The following UST variants were observed in gnomAD, a reference collection of about 807,000 sequenced individuals.
The protein encoded by UST is chondroitin sulfate 2-O-sulfotransferase.
UST carries 21 observed loss-of-function variants against 45.6 expected under a neutral mutation model. The observed-to-expected ratio is 0.46, with a 90% CI of 0.33 to 0.66. UST has a LOEUF of 0.66. UST is among the 30% of genes least tolerant of loss of function. The pLI is 0.02. For synonymous variants in UST, 215 were observed against 200.6 expected (o/e 1.07, Z -0.61); for missense variants, 463 against 512.4 (o/e 0.90, Z 0.93).
chr6:148,945,339 A>G (rs1780215057), intron 3 of UST, among the ~76,000 whole-genome samples: 1 of 152,232 alleles, frequency 6.6e-6, no homozygotes, highest in South Asian at 2.1e-4. Flanking sequence ...TCCTTAATCC[A>G]AAAGCCATTC....
In UST at chr6:148,748,004, C is replaced by T. The variant is rs1029588520; in HGVS notation, c.247+327C>T. ...GAGTGGATGGGTGTGTGGGGTGTGC[C>T]GGAGTGTGTGTATCTTCAGGCCTGG... is the stretch of plus-strand genomic sequence containing the variant. On this transcript the variant is annotated intron_variant, in intron 1 of 7. Coordinates refer to ENST00000367463, the MANE Select transcript of UST (RefSeq NM_005715.3). The surrounding 1 kb of genome is among the most constrained non-coding windows in gnomAD (Gnocchi z 5.3). Among the ~76,000 whole-genome samples, 4 of 152,014 alleles carry T rather than the reference C, an allele frequency of 2.6e-5. No individual in the cohort carries two copies. The highest frequency in any genetic ancestry group is 9.7e-5 in the African/African-American group (4 of 41,390).
chr6:148,980,185 T>C (rs1446564955), intron 5 of UST, among the ~76,000 whole-genome samples: 1 of 152,204 alleles, frequency 6.6e-6, no homozygotes, highest in African/African-American at 2.4e-5. Context: ...ACTTAAAACT[T>C]TGGAATAACC....
At chr6:149,019,275 C>T in intron 6 of UST, 39 bp downstream of exon 6, 1 of 1,511,344 alleles carries the variant, frequency 6.6e-7, no homozygotes, top group Non-Finnish European at 9.2e-7. Flanking sequence ...CACGTACGCA[C>T]AACAAGGGCA....
At chr6:148,883,916 G>A (rs1018823653) in intron 1 of UST, among the ~76,000 whole-genome samples, 3 of 152,156 alleles carry the variant, frequency 2.0e-5, no homozygotes, top group African/African-American at 2.4e-5. Flanking sequence ...CAGATCACTT[G>A]AGGTCAGGAG....
intron 1 of UST, among the ~76,000 whole-genome samples, chr6:148,880,673 A>G (rs1272878661): frequency 6.6e-6 from 1 of 152,078 alleles, no homozygotes; most frequent in Non-Finnish European, 1.5e-5. Context: ...TGAAATTTAG[A>G]TTGTGTTGTA....
intron 1 of UST, among the ~76,000 whole-genome samples, chr6:148,881,574 C>G (rs913860627): frequency 5.3e-5 from 8 of 152,292 alleles, no homozygotes; most frequent in African/African-American, 1.9e-4. Context: ...GTGTCAGGAG[C>G]GTGCTTGTCC....
intron 2 of UST, among the ~76,000 whole-genome samples, chr6:148,927,264 T>G (rs933885357): frequency 1.8e-4 from 27 of 152,176 alleles, no homozygotes; most frequent in Non-Finnish European, 1.2e-4. Context: ...CATTGAAGTC[T>G]TGGCCTTCCC....
intron 1 of UST, among the ~76,000 whole-genome samples, chr6:148,762,717 TTGTC>T (rs1389453553): frequency 6.6e-6 from 1 of 152,040 alleles, no homozygotes; most frequent in African/African-American, 2.4e-5. Flanking sequence ...AGAGTCCCCA[TTGTC>T]TGTTATTTCC....
At chr6:148,837,701 C>T (rs6926905) in intron 1 of UST, among the ~76,000 whole-genome samples, 6,222 of 100,374 alleles carry the variant, frequency 0.062, 276 homozygotes, top group African/African-American at 0.17. Context: ...TTTTTTTTTT[C>T]TCTCCTTTTT....
chr6:149,022,587 C>G (rs182371946), intron 7 of UST, among the ~76,000 whole-genome samples: 2 of 151,910 alleles, frequency 1.3e-5, no homozygotes. Context: ...GCGACAAGAG[C>G]GAAACTTCAT....
chr6:148,957,044 C>T (rs532795219), intron 4 of UST, among the ~76,000 whole-genome samples: 1 of 152,204 alleles, frequency 6.6e-6, no homozygotes, highest in East Asian at 1.9e-4. Context: ...AGAGCAGGGC[C>T]AAGAGGAACT....
chr6:148,767,278 C>G lies in UST; in HGVS notation c.247+19601C>G, dbSNP rs372437378. Among the ~76,000 whole-genome samples, 10 of 152,250 alleles carry G rather than the reference C, an allele frequency of 6.6e-5. 1 individual carries two copies. The South Asian group carries it at 2.1e-3, about 32-fold the overall frequency. ...TTTTCATTCACCAGTTTGATTGTTC[C>G]AATTTAAGAACATTAAGTATTTCTT... On this transcript the variant is annotated intron_variant, in intron 1 of 7. Transcript: ENST00000367463.
intron 5 of UST, among the ~76,000 whole-genome samples, chr6:148,994,527 C>T (rs1172551208): frequency 1.3e-5 from 2 of 152,070 alleles, no homozygotes; most frequent in African/African-American, 2.4e-5. Context: ...GAAGTGAGTT[C>T]TTATTCTCTG....
chr6:148,880,649 C>T (rs1190764072), intron 1 of UST, among the ~76,000 whole-genome samples: 5 of 152,158 alleles, frequency 3.3e-5, no homozygotes, highest in Non-Finnish European at 7.3e-5. Context: ...TCATGAAGGG[C>T]TAGATGGGTA....
At chr6:148,937,883 T>A (rs1780052645) in intron 2 of UST, among the ~76,000 whole-genome samples, 1 of 152,234 alleles carries the variant, frequency 6.6e-6, no homozygotes, top group Non-Finnish European at 1.5e-5. Context: ...TACCCCAGCC[T>A]GGTTGTAATG....
chr6:148,794,823 T>C (rs1776917878), intron 1 of UST, among the ~76,000 whole-genome samples: 1 of 152,200 alleles, frequency 6.6e-6, no homozygotes, highest in African/African-American at 2.4e-5. Flanking sequence ...AGGGTGGAAG[T>C]TGGGGAACTT....
chr6:148,913,923 G>A (rs1389425790), intron 2 of UST, among the ~76,000 whole-genome samples: 4 of 152,184 alleles, frequency 2.6e-5, no homozygotes, highest in African/African-American at 7.2e-5. Context: ...GGTGCTAGGG[G>A]CTAAATGTGT....
At chr6:148,839,846 T>C (rs181481713) in intron 1 of UST, among the ~76,000 whole-genome samples, 35 of 152,316 alleles carry the variant, frequency 2.3e-4, no homozygotes, top group Admixed American at 1.5e-3. Context: ...TTGCTTCCAT[T>C]GTACAGAGAA....
At chr6:149,019,812 A>C (rs995725890) in intron 6 of UST, among the ~76,000 whole-genome samples, 1 of 152,092 alleles carries the variant, frequency 6.6e-6, no homozygotes, top group Non-Finnish European at 1.5e-5. Context: ...GATAGTCAGG[A>C]CCCCCAGGGT....
Sources: gnomAD v4.1 joint callset for allele counts (sites outside exome capture counted in the v4.1 genomes callset) on GRCh38, gnomAD v4.1.1 for gene constraint, Gnocchi (gnomAD v3.1) non-coding constraint, MANE v1.5 for transcripts, NCBI Gene and HGNC (gene_info 2026-07-23, HGNC 2026-07-21) for gene names.